Variants in NAALADL2 observed in about 807,000 individuals in gnomAD.
The protein encoded by NAALADL2 is N-acetylated alpha-linked acidic dipeptidase like 2, also known as inactive N-acetylated-alpha-linked acidic dipeptidase-like protein 2.
Under a neutral mutation model 87.2 loss-of-function variants are expected in NAALADL2, and 76 were observed. That is an observed-to-expected ratio of 0.87 (90% confidence interval 0.72 to 1.05). NAALADL2 has a LOEUF of 1.05. Ranked by LOEUF, NAALADL2 falls within the 50% of genes least tolerant of loss-of-function variation. The probability of loss-of-function intolerance (pLI) is 0.00; values close to 1 mark genes in which losing one functional copy is unlikely to be tolerated. For missense variants in NAALADL2, 1,089 were observed against 945.8 expected (o/e 1.15, Z -1.99); for synonymous variants, 354 against 331.0 (o/e 1.07, Z -0.75).
chr3:174,629,254 G>T (rs1271180098), intron 2 of NAALADL2, among the ~76,000 whole-genome samples: 1 of 152,136 alleles, frequency 6.6e-6, no homozygotes, highest in Non-Finnish European at 1.5e-5. Context: ...GGTCCTAAGT[G>T]AGTCTGTAGT....
At chr3:174,636,936 A>T (rs532377339) in intron 2 of NAALADL2, among the ~76,000 whole-genome samples, 1 of 152,318 alleles carries the variant, frequency 6.6e-6, no homozygotes, top group African/African-American at 2.4e-5. Flanking sequence ...CCAGCAATAA[A>T]TGAATGGATA....
chr3:174,855,025 G>T (rs945960195), upstream of NAALADL2, among the ~76,000 whole-genome samples: 2 of 151,822 alleles, frequency 1.3e-5, no homozygotes, highest in Non-Finnish European at 2.9e-5. Context: ...TTTTAGTAGA[G>T]ATGGTGTTTC....
At chr3:174,683,117 T>A (rs1199800902) in intron 2 of NAALADL2, among the ~76,000 whole-genome samples, 1 of 152,184 alleles carries the variant, frequency 6.6e-6, no homozygotes, top group East Asian at 1.9e-4. Flanking sequence ...AGAAATGCAA[T>A]TGACATACTG....
At chr3:174,968,756 T>G (rs1743216098) in intron 1 of NAALADL2, among the ~76,000 whole-genome samples, 2 of 152,120 alleles carry the variant, frequency 1.3e-5, no homozygotes, top group Admixed American at 6.6e-5. Flanking sequence ...AGACTACAGA[T>G]GTGAGCCACT....
intron 2 of NAALADL2, among the ~76,000 whole-genome samples, chr3:175,203,515 G>A (rs1227217491): frequency 6.6e-6 from 1 of 152,184 alleles, no homozygotes; most frequent in African/African-American, 2.4e-5. Flanking sequence ...TCCTGCAGGA[G>A]CCGTCTGCTT....
chr3:175,015,946 T>C (rs1750752339), intron 1 of NAALADL2, among the ~76,000 whole-genome samples: 1 of 151,864 alleles, frequency 6.6e-6, no homozygotes, highest in South Asian at 2.1e-4. Flanking sequence ...CATAAATACC[T>C]GATAATCAGT....
chr3:174,575,412 T>C (rs578101162), intron 2 of NAALADL2, among the ~76,000 whole-genome samples: 1 of 152,310 alleles, frequency 6.6e-6, no homozygotes, highest in African/African-American at 2.4e-5. Context: ...CATTTGACTA[T>C]GTGACTACTC....
At position 175,748,160 on chromosome 3, in the gene NAALADL2, A is replaced by T. The variant is rs112075652; in HGVS notation, c.1991-7060A>T. On this transcript the variant is annotated intron_variant, in intron 12 of 13. Transcript: ENST00000454872. ...AATAATATCTTTTTATCTATGCATT[A>T]TCAAATCAATGTTAGATTATTTGAG... Among the ~76,000 whole-genome samples, 780 of 152,252 alleles carry T rather than the reference A, an allele frequency of 5.1e-3. 5 individuals carry two copies. Among genetic ancestry groups the T allele is most frequent in the South Asian group, 0.021 (99 of 4,826 alleles).
At chr3:175,192,905 C>T (rs763332385) in intron 2 of NAALADL2, among the ~76,000 whole-genome samples, 4 of 151,620 alleles carry the variant, frequency 2.6e-5, no homozygotes, top group Non-Finnish European at 5.9e-5. Context: ...ATAAAAAAAA[C>T]CCTGCACATT....
intron 1 of NAALADL2, among the ~76,000 whole-genome samples, chr3:175,003,429 G>A (rs562479318): frequency 7.2e-5 from 11 of 152,148 alleles, no homozygotes; most frequent in Non-Finnish European, 5.9e-5. Context: ...ATAAACAGAG[G>A]CATAGGTGTG....
At chr3:174,795,807 C>T (rs1303355752) in intron 3 of NAALADL2, among the ~76,000 whole-genome samples, 2 of 152,140 alleles carry the variant, frequency 1.3e-5, no homozygotes, top group Non-Finnish European at 2.9e-5. Flanking sequence ...ATTTTATGTG[C>T]TTATTGGTCA....
intron 5 of NAALADL2, among the ~76,000 whole-genome samples, chr3:175,407,902 G>T (rs1201406854): frequency 2.6e-5 from 4 of 152,018 alleles, no homozygotes; most frequent in Admixed American, 2.6e-4. Flanking sequence ...ATCTTAAAAA[G>T]GTATATTAGA....
At chr3:175,766,668 A>G (rs1748728343) in intron 13 of NAALADL2, among the ~76,000 whole-genome samples, 1 of 152,156 alleles carries the variant, frequency 6.6e-6, no homozygotes. Flanking sequence ...TTTTATGTGT[A>G]TAAATATCTT....
At chr3:175,107,856 T>C (rs1240436087) in intron 2 of NAALADL2, among the ~76,000 whole-genome samples, 1 of 151,896 alleles carries the variant, frequency 6.6e-6, no homozygotes, top group African/African-American at 2.4e-5. Flanking sequence ...TAAAAATGCT[T>C]AATCATTTTC....
Position 175,565,668 on chromosome 3 carries a change from A to G in NAALADL2, c.1654-10373A>G, listed in dbSNP as rs560438671. Among the ~76,000 whole-genome samples, 296 of 152,024 alleles carry G rather than the reference A, an allele frequency of 1.9e-3. 2 individuals are homozygous for G. The highest frequency in any genetic ancestry group is 6.8e-3 in the African/African-American group (284 of 41,462). On this transcript the variant is annotated intron_variant, in intron 9 of 13. Transcript: ENST00000454872. ...TCTTATCTGTTCTCTCCCCAGTGAT[A>G]TATGCATTTTTGATGGTCCCAAATC...
chr3:175,462,039 A>G (rs941010819), intron 6 of NAALADL2, among the ~76,000 whole-genome samples: 1 of 152,166 alleles, frequency 6.6e-6, no homozygotes, highest in Non-Finnish European at 1.5e-5. Context: ...ATACACCATT[A>G]TGCATTGTCA....
chr3:175,667,233 A>AAGAAAGAAAGAAAGAAAGAAAGAAAG (rs1553945341), intron 11 of NAALADL2, among the ~76,000 whole-genome samples: 1 of 110,164 alleles, frequency 9.1e-6, no homozygotes, highest in Non-Finnish European at 1.7e-5. Context: ...GAAAGAAAGA[A>AAGAAAGAAAGAAAGAAAGAAAGAAAG]AGAAAGAAAA....
intron 5 of NAALADL2, among the ~76,000 whole-genome samples, chr3:175,396,190 A>AC (rs1448976203): frequency 6.6e-6 from 1 of 152,128 alleles, no homozygotes; most frequent in Non-Finnish European, 1.5e-5. Context: ...TTTTCTTATG[A>AC]CCTTATGCGT....
At chr3:175,006,659 T>A (rs967268136) in intron 1 of NAALADL2, among the ~76,000 whole-genome samples, 2 of 148,816 alleles carry the variant, frequency 1.3e-5, no homozygotes, top group South Asian at 2.1e-4. Context: ...AAAAAAAAAA[T>A]TGTTTTTCTG....
Sources: allele counts gnomAD v4.1 joint callset (sites outside exome capture counted in the v4.1 genomes callset), GRCh38; gene constraint gnomAD v4.1.1; transcripts MANE v1.5; gene names NCBI Gene and HGNC (gene_info 2026-07-23, HGNC 2026-07-21).